SH3PXD2B: variants seen among roughly 807,000 people sequenced by gnomAD.
SH3PXD2B encodes SH3 and PX domain-containing protein 2B.
In SH3PXD2B, 37 loss-of-function variants were observed where a neutral mutation model predicts 73.1. The observed-to-expected ratio is 0.51, with a 90% CI of 0.39 to 0.67. SH3PXD2B has a LOEUF of 0.67. Ranked by LOEUF, SH3PXD2B falls within the 30% of genes least tolerant of loss-of-function variation. SH3PXD2B has a pLI of 0.00. For synonymous variants in SH3PXD2B, 457 were observed against 480.5 expected, an observed-to-expected ratio of 0.95 and a Z score of 0.64; for missense variants, 1,053 against 1,197.8, an observed-to-expected ratio of 0.88 and a Z score of 1.78.
chr5:172,439,926 C>T (rs1759514414), intron 1 of SH3PXD2B, among the ~76,000 whole-genome samples: 1 of 152,190 alleles, frequency 6.6e-6, no homozygotes, highest in African/African-American at 2.4e-5. Context: ...TCACGCACTG[C>T]TACTCACACA....
Position 172,423,932 on chromosome 5 carries a change from C to T in SH3PXD2B, c.76-1436G>A, listed in dbSNP as rs552639036. Among the ~76,000 whole-genome samples, 12 of 152,242 alleles carry T rather than the reference C, an allele frequency of 7.9e-5. No individual in the cohort carries two copies. In the South Asian group the frequency reaches 8.3e-4, roughly 11 times the overall value. The stretch of plus-strand genomic sequence containing the variant: ...TGTTGGGATTACATGCTTGAGCCAC[C>T]GCGCCCGGCCCGCCCTGGGACTTTT... On this transcript the variant is annotated intron_variant, in intron 1 of 12. Coordinates refer to ENST00000311601, the MANE Select transcript of SH3PXD2B (RefSeq NM_001017995.3).
chr5:172,378,632 A>G (rs1757872069), intron 5 of SH3PXD2B, among the ~76,000 whole-genome samples: 1 of 152,176 alleles, frequency 6.6e-6, no homozygotes, highest in South Asian at 2.1e-4. Flanking sequence ...TATGGTCTGT[A>G]GAGCAGTTCC....
rs751214999 is a variant in SH3PXD2B, at chr5:172,339,510, G to A, written c.1595C>T (p.Ser532Leu). 4.3e-6 allele frequency: 7 copies of A among 1,614,008 alleles called. No individual in the cohort carries two copies. Among genetic ancestry groups the A allele is most frequent in the South Asian group, 3.3e-5 (3 of 91,080 alleles). The change falls in exon 13 of 13, where the codon TCG (serine) becomes TTG (leucine). Residue 532 changes from serine (S) to leucine (L), a missense_variant. Physicochemically the swap from Ser to Leu is moderately radical, Grantham distance 145. This residue lies in a region of SH3PXD2B where 587 missense variants were observed against 590.7 expected (regional missense o/e 0.99). Coordinates refer to ENST00000311601, the MANE Select transcript of SH3PXD2B (RefSeq NM_001017995.3). This position sits in a 1 kb window ranked among gnomAD's most constrained non-coding sequence, Gnocchi z 6.1. ...CTCCCGCTCCAGCAGCTCCCCCTCCGACTTGATGATGGATTCTTTCCGCGG... is the reference window on the plus strand; with the variant it reads ...CTCCCGCTCCAGCAGCTCCCCCTCCAACTTGATGATGGATTCTTTCCGCGG... The part of the protein sequence containing the change: ...LPPRKESIIK[S>L]EGELLERERE...
chr5:172,369,921 C>T (rs1757664788), intron 6 of SH3PXD2B, among the ~76,000 whole-genome samples: 1 of 152,032 alleles, frequency 6.6e-6, no homozygotes, highest in African/African-American at 2.4e-5. Flanking sequence ...GAATGGTTTC[C>T]ACCTGGGGAC....
intron 4 of SH3PXD2B, among the ~76,000 whole-genome samples, chr5:172,385,263 A>G (rs1034647136): frequency 6.6e-6 from 1 of 152,040 alleles, no homozygotes; most frequent in Admixed American, 6.6e-5. Flanking sequence ...TTGTGTGCAA[A>G]TATCTTGTGG....
At chr5:172,366,756 C>T (rs1757536219) in intron 6 of SH3PXD2B, among the ~76,000 whole-genome samples, 1 of 151,884 alleles carries the variant, frequency 6.6e-6, no homozygotes, top group African/African-American at 2.4e-5. Flanking sequence ...CCTCAGCCTC[C>T]TGAGTAGCTG....
At chr5:172,449,987 C>G (rs926421162) in intron 1 of SH3PXD2B, among the ~76,000 whole-genome samples, 2 of 151,950 alleles carry the variant, frequency 1.3e-5, no homozygotes, top group Non-Finnish European at 2.9e-5. Flanking sequence ...AAAACATTCA[C>G]GACAATACAA....
At chr5:172,358,454 A>G (rs1225843551) in intron 8 of SH3PXD2B, among the ~76,000 whole-genome samples, 1 of 152,238 alleles carries the variant, frequency 6.6e-6, no homozygotes, top group Non-Finnish European at 1.5e-5. Flanking sequence ...GGCCGCCAGA[A>G]TAATTCGAGG....
chr5:172,351,254 T>G (rs1757154165), intron 9 of SH3PXD2B, among the ~76,000 whole-genome samples: 1 of 152,202 alleles, frequency 6.6e-6, no homozygotes, highest in Non-Finnish European at 1.5e-5. Flanking sequence ...CTCAGTCTCC[T>G]ACGTAGCTGG....
chr5:172,454,203 T>G, intron 1 of SH3PXD2B, 75 bp downstream of exon 1: 3 of 1,342,986 alleles, frequency 2.2e-6, no homozygotes, highest in Non-Finnish European at 2.0e-6. Flanking sequence ...GGCAGAAGTT[T>G]TCCAAGCCGG....
In SH3PXD2B at chr5:172,335,805, A is replaced by G; in HGVS notation, c.*2564T>C. The G allele has an allele frequency of 8.1e-7, 1 of 1,229,820 alleles. No homozygotes were observed. The highest frequency in any genetic ancestry group is 1.0e-6 in the Non-Finnish European group (1 of 987,354). The allele number at this position is 1,229,820 out of a possible 1,614,324, so 76.2% of individuals were successfully genotyped here. On this transcript the variant is annotated 3_prime_UTR_variant, in exon 13 of 13. Coordinates refer to ENST00000311601, the MANE Select transcript of SH3PXD2B (RefSeq NM_001017995.3). ...CCCACTGCCTGGGGAAGTGTCTACC[A>G]TTGTAGGAAAAGGAGCTGGATACAG... is the stretch of plus-strand genomic sequence containing the variant.
chr5:172,331,655 A>G (rs910490004), downstream of SH3PXD2B, among the ~76,000 whole-genome samples: 1 of 152,130 alleles, frequency 6.6e-6, no homozygotes, highest in Admixed American at 6.5e-5. Flanking sequence ...TGGCGTGGTT[A>G]AAACAGTATG....
At chr5:172,331,948 A>AAAAAC (rs999274609), downstream of SH3PXD2B, among the ~76,000 whole-genome samples, 4 of 152,356 alleles carry the variant, frequency 2.6e-5, no homozygotes, top group South Asian at 2.1e-4. Flanking sequence ...CTCTGTCTCA[A>AAAAAC]AAAACAAAAC....
At chr5:172,377,263 T>A (rs1431454737) in intron 5 of SH3PXD2B, among the ~76,000 whole-genome samples, 1 of 152,002 alleles carries the variant, frequency 6.6e-6, no homozygotes, top group African/African-American at 2.4e-5. Flanking sequence ...CCTCCTCCAA[T>A]AGCACCAGCT....
Position 172,353,080 on chromosome 5 carries a change from G to T in SH3PXD2B, c.785+808C>A, listed in dbSNP as rs1178831526. On this transcript the variant is annotated intron_variant, in intron 9 of 12. Coordinates refer to ENST00000311601, the MANE Select transcript of SH3PXD2B (RefSeq NM_001017995.3). The surrounding 1 kb of genome is among the most constrained non-coding windows in gnomAD (Gnocchi z 4.3). Reference sequence around the variant, plus strand: ...TCTGTACCAGGTGGTGTGAGCTATTGTATCTTGCTCACTGTTGACTCCTCA... The same window carrying T: ...TCTGTACCAGGTGGTGTGAGCTATTTTATCTTGCTCACTGTTGACTCCTCA... Among the ~76,000 whole-genome samples the T allele has an allele frequency of 1.3e-5, 2 of 152,060 alleles. No homozygotes were observed. The highest frequency in any genetic ancestry group is 2.4e-5 in the African/African-American group (1 of 41,398).
intron 1 of SH3PXD2B, among the ~76,000 whole-genome samples, chr5:172,435,452 G>A (rs1289481402): frequency 6.6e-6 from 1 of 152,066 alleles, no homozygotes; most frequent in African/African-American, 2.4e-5. Flanking sequence ...TTGAGACAGG[G>A]TCTTGCTCCC....
At chr5:172,331,970 C>T (rs1199678105), downstream of SH3PXD2B, among the ~76,000 whole-genome samples, 1 of 152,086 alleles carries the variant, frequency 6.6e-6, no homozygotes, top group Non-Finnish European at 1.5e-5. Context: ...AAACAAAAAA[C>T]AATATGATAG....
chr5:172,424,505 G>T (rs367809037), intron 1 of SH3PXD2B, among the ~76,000 whole-genome samples: 1 of 152,174 alleles, frequency 6.6e-6, no homozygotes, highest in African/African-American at 2.4e-5. Context: ...GAAAAAGATA[G>T]AACAACTTCA....
intron 4 of SH3PXD2B, among the ~76,000 whole-genome samples, chr5:172,387,620 T>G (rs751643710): frequency 6.6e-6 from 1 of 152,170 alleles, no homozygotes; most frequent in Non-Finnish European, 1.5e-5. Flanking sequence ...GCATCTGCCT[T>G]GAGGAATCAT....
Sources: allele counts gnomAD v4.1 joint callset (sites outside exome capture counted in the v4.1 genomes callset), GRCh38; gene constraint gnomAD v4.1.1; regional missense constraint gnomAD v4.1.1; non-coding constraint Gnocchi (gnomAD v3.1); transcripts MANE v1.5; gene names NCBI Gene and HGNC (gene_info 2026-07-23, HGNC 2026-07-21).